The following PAQR8 variants were observed in gnomAD, a reference collection of about 807,000 sequenced individuals.
PAQR8 encodes the protein progestin and adipoQ receptor family member 8.
In PAQR8, 17 loss-of-function variants were observed where a neutral mutation model predicts 25.2. The ratio of observed to expected loss-of-function variants is 0.67; its 90% confidence interval spans 0.46 to 1.01. The LOEUF (loss-of-function observed/expected upper bound fraction) is 1.01. Among genes scored for constraint, PAQR8 ranks in the 50% least tolerant of loss-of-function variants. PAQR8 has a pLI of 0.00. For missense variants in PAQR8, 392 were observed against 448.4 expected, an observed-to-expected ratio of 0.87 and a Z score of 1.14; for synonymous variants, 204 against 190.6, an observed-to-expected ratio of 1.07 and a Z score of -0.58.
intron 1 of PAQR8, among the ~76,000 whole-genome samples, chr6:52,366,121 T>C (rs1763348997): frequency 6.6e-6 from 1 of 152,178 alleles, no homozygotes; most frequent in Admixed American, 6.5e-5. Flanking sequence ...TCAGCTCTTC[T>C]GTAAATGTCA....
chr6:52,373,207 T>C (rs1282741784), intron 1 of PAQR8, among the ~76,000 whole-genome samples: 2 of 152,178 alleles, frequency 1.3e-5, no homozygotes, highest in Non-Finnish European at 2.9e-5. Flanking sequence ...AGAATAGCTG[T>C]GAAAGGCCCG....
intron 1 of PAQR8, among the ~76,000 whole-genome samples, chr6:52,365,134 C>CA (rs200408883): frequency 1.3e-3 from 180 of 140,598 alleles, no homozygotes; most frequent in Non-Finnish European, 1.6e-3. Context: ...GTTGTCTCAC[C>CA]AAAAAAAAAA....
chr6:52,392,300 C>T (rs895642343), intron 1 of PAQR8, among the ~76,000 whole-genome samples: 2 of 150,960 alleles, frequency 1.3e-5, no homozygotes, highest in Non-Finnish European at 2.9e-5. Flanking sequence ...GGCAAGATCG[C>T]GCCACTGCAT....
At chr6:52,384,251 A>T (rs1763603170) in intron 1 of PAQR8, among the ~76,000 whole-genome samples, 1 of 152,212 alleles carries the variant, frequency 6.6e-6, no homozygotes, top group Non-Finnish European at 1.5e-5. Flanking sequence ...ATACGTAGTG[A>T]AGCCATGGCT....
Position 52,370,848 on chromosome 6 carries a change from T to C in PAQR8, c.-53+8599T>C, listed in dbSNP as rs187125578. Among the ~76,000 whole-genome samples the C allele has an allele frequency of 5.0e-3, 763 of 152,346 alleles. 4 individuals carry two copies. Among genetic ancestry groups the C allele is most frequent in the African/African-American group, 0.017 (716 of 41,572 alleles). On this transcript the variant is annotated intron_variant, in intron 1 of 1. Coordinates refer to ENST00000442253, the MANE Select transcript of PAQR8 (RefSeq NM_133367.5). The stretch of plus-strand genomic sequence containing the variant: ...GTGTGTTTACTCCCTATCTTCTGCA[T>C]TGGATTGCAGTGGTCAGCTACATAA...
chr6:52,400,982 A>C (rs1763823368), intron 1 of PAQR8, among the ~76,000 whole-genome samples: 1 of 152,166 alleles, frequency 6.6e-6, no homozygotes, highest in Non-Finnish European at 1.5e-5. Context: ...TAAGCACTTC[A>C]TTTTTTAGAC....
chr6:52,396,096 C>T (rs973497666), intron 1 of PAQR8, among the ~76,000 whole-genome samples: 2 of 152,192 alleles, frequency 1.3e-5, no homozygotes, highest in African/African-American at 4.8e-5. Flanking sequence ...GACTTCTGCA[C>T]CTAACAGTCC....
intron 1 of PAQR8, among the ~76,000 whole-genome samples, chr6:52,367,253 C>A (rs1763364643): frequency 6.6e-6 from 1 of 152,172 alleles, no homozygotes; most frequent in African/African-American, 2.4e-5. Context: ...TTATCTGGTT[C>A]AAAACATCAG....
chr6:52,362,835 G>T lies in PAQR8; in HGVS notation c.-53+586G>T, dbSNP rs1187193448. On this transcript the variant is annotated intron_variant, in intron 1 of 1. Transcript: ENST00000442253. This position sits in a 1 kb window ranked among gnomAD's most constrained non-coding sequence, Gnocchi z 4.1. Reference sequence around the variant, plus strand: ...GGGGAACCCCGGAAAGAGTAGGGTGGGTCTAGGCATGTGCTTTCGCCGGGG... The same window carrying T: ...GGGGAACCCCGGAAAGAGTAGGGTGTGTCTAGGCATGTGCTTTCGCCGGGG... Among the ~76,000 whole-genome samples the T allele has an allele frequency of 6.6e-6, 1 of 152,196 alleles. No homozygotes were observed. The highest frequency in any genetic ancestry group is 1.5e-5 in the Non-Finnish European group (1 of 68,028).
chr6:52,385,692 G>A (rs1362841129), intron 1 of PAQR8, among the ~76,000 whole-genome samples: 1 of 152,092 alleles, frequency 6.6e-6, no homozygotes, highest in African/African-American at 2.4e-5. Context: ...AGACCAGCCT[G>A]GGCAACATGG....
chr6:52,396,776 A>T (rs1179405348), intron 1 of PAQR8, among the ~76,000 whole-genome samples: 1 of 152,200 alleles, frequency 6.6e-6, no homozygotes, highest in African/African-American at 2.4e-5. Flanking sequence ...CTCGATTCTG[A>T]TTAGATGTAG....
intron 1 of PAQR8, among the ~76,000 whole-genome samples, chr6:52,364,306 A>G (rs1399008016): frequency 1.3e-5 from 2 of 152,126 alleles, no homozygotes; most frequent in Non-Finnish European, 2.9e-5. Context: ...TTTTACAAGA[A>G]TCATTTCAGG....
intron 1 of PAQR8, among the ~76,000 whole-genome samples, chr6:52,372,747 T>C (rs1763434976): frequency 1.3e-5 from 2 of 149,768 alleles, no homozygotes; most frequent in Admixed American, 1.3e-4. Context: ...TATATATATA[T>C]ATATGGATAT....
At chr6:52,400,575 G>A (rs1341669196) in intron 1 of PAQR8, among the ~76,000 whole-genome samples, 1 of 152,178 alleles carries the variant, frequency 6.6e-6, no homozygotes, top group Admixed American at 6.5e-5. Context: ...GGCTTTCCAA[G>A]CCCATATCTT....
In PAQR8 at chr6:52,362,942, G is replaced by A. The variant is rs1189388051; in HGVS notation, c.-53+693G>A. On this transcript the variant is annotated intron_variant, in intron 1 of 1. Transcript: ENST00000442253. This position sits in a 1 kb window ranked among gnomAD's most constrained non-coding sequence, Gnocchi z 4.1. ...AACCGCCGGCAGCTGGCTAATGGGC[G>A]GATGCTGGGGCTTGGCTGGATGGGA... 1.3e-5 allele frequency among the ~76,000 whole-genome samples: 2 copies of A among 152,168 alleles called. No homozygotes were observed. Among genetic ancestry groups the A allele is most frequent in the East Asian group, 3.9e-4 (2 of 5,188 alleles).
intron 1 of PAQR8, among the ~76,000 whole-genome samples, chr6:52,370,894 T>G (rs974084020): frequency 1.3e-5 from 2 of 152,328 alleles, no homozygotes; most frequent in East Asian, 1.9e-4. Flanking sequence ...GAGCAGGACC[T>G]CAGATCTAGA....
chr6:52,394,205 TAGG>T (rs1413947322), intron 1 of PAQR8, among the ~76,000 whole-genome samples: 3 of 152,180 alleles, frequency 2.0e-5, no homozygotes, highest in Admixed American at 6.5e-5. Flanking sequence ...TCTCAGGTGA[TAGG>T]AGACGTGCCC....
chr6:52,403,624 G>C lies in PAQR8; in HGVS notation c.411G>C (p.Glu137Asp), dbSNP rs1464355437. ...LLAHLLQSKS[E>D]LSHYTFYFVD... ...CCCACCTGCTGCAGTCCAAGTCAGAGCTCTCCCACTACACCTTCTACTTTG... is the reference window on the plus strand; with the variant it reads ...CCCACCTGCTGCAGTCCAAGTCAGACCTCTCCCACTACACCTTCTACTTTG... Residue 137 changes from glutamate (E) to aspartate (D), a missense_variant, in exon 2 of 2, where the codon GAG becomes GAC. Coordinates refer to ENST00000442253, the MANE Select transcript of PAQR8 (RefSeq NM_133367.5). 6.2e-7 allele frequency: 1 copy of C among 1,614,030 alleles called. No individual in the cohort carries two copies. Among genetic ancestry groups the C allele is most frequent in the Non-Finnish European group, 8.5e-7 (1 of 1,180,062 alleles).
intron 1 of PAQR8, among the ~76,000 whole-genome samples, chr6:52,380,571 T>A (rs1436339736): frequency 6.6e-6 from 1 of 152,240 alleles, no homozygotes; most frequent in Non-Finnish European, 1.5e-5. Context: ...TTTGATTTCT[T>A]TAGTTATTCC....
Sources: allele counts gnomAD v4.1 joint callset (sites outside exome capture counted in the v4.1 genomes callset), GRCh38; gene constraint gnomAD v4.1.1; non-coding constraint Gnocchi (gnomAD v3.1); transcripts MANE v1.5; gene names NCBI Gene and HGNC (gene_info 2026-07-23, HGNC 2026-07-21).